Variants in FHIP1A observed in about 807,000 individuals in gnomAD.
FHIP1A encodes the protein FHF complex subunit HOOK interacting protein 1A, also known as FHF complex subunit HOOK-interacting protein 1A.
FHIP1A carries 61 observed loss-of-function variants against 88.6 expected under a neutral mutation model. The ratio of observed to expected loss-of-function variants is 0.69; its 90% confidence interval spans 0.56 to 0.85. The LOEUF (loss-of-function observed/expected upper bound fraction) is 0.85, where lower values mean the gene tolerates loss of function less well. FHIP1A is among the 40% of genes least tolerant of loss of function. FHIP1A has a pLI of 0.00. For missense variants in FHIP1A, 1,154 were observed against 1,273.5 expected, an observed-to-expected ratio of 0.91 and a Z score of 1.43; for synonymous variants, 478 against 496.0, an observed-to-expected ratio of 0.96 and a Z score of 0.48.
rs1737780351 is a variant in FHIP1A at position 151,669,388 on chromosome 4, G to A, written c.*6634G>A. On this transcript the variant is annotated 3_prime_UTR_variant, in exon 14 of 14. Transcript: ENST00000435205. The stretch of plus-strand genomic sequence containing the variant: ...ACTTGACATAATAGTTTTGGTAAAT[G>A]TCTTTTTCTGGCTGCACCCCCTTTT... Among the ~76,000 whole-genome samples, 1 of 152,200 alleles carries A rather than the reference G, an allele frequency of 6.6e-6. No homozygotes were observed. The highest frequency in any genetic ancestry group is 1.5e-5 in the Non-Finnish European group (1 of 68,030).
intron 8 of FHIP1A, among the ~76,000 whole-genome samples, chr4:151,637,015 A>G (rs1415560871): frequency 2.0e-5 from 3 of 152,184 alleles, no homozygotes; most frequent in Non-Finnish European, 4.4e-5. Flanking sequence ...AAACTCATAT[A>G]TCCATGGTCA....
At chr4:151,546,868 GT>G in intron 3 of FHIP1A, among the ~76,000 whole-genome samples, 1 of 152,288 alleles carries the variant, frequency 6.6e-6, no homozygotes, top group South Asian at 2.1e-4. Context: ...CCTAAATCTT[GT>G]TTCTTCAGGT....
chr4:151,426,730 G>A (rs1322667598), intron 1 of FHIP1A, among the ~76,000 whole-genome samples: 1 of 152,102 alleles, frequency 6.6e-6, no homozygotes, highest in Admixed American at 6.5e-5. Context: ...GCTGCAACTT[G>A]GCATACAGAG....
intron 7 of FHIP1A, among the ~76,000 whole-genome samples, chr4:151,623,975 C>T (rs1215352516): frequency 3.3e-5 from 5 of 152,196 alleles, no homozygotes; most frequent in Non-Finnish European, 2.9e-5. Flanking sequence ...CAGCAAAACA[C>T]TCAGAACTGT....
intron 3 of FHIP1A, among the ~76,000 whole-genome samples, chr4:151,557,341 G>T (rs1181218545): frequency 1.3e-5 from 2 of 152,166 alleles, no homozygotes; most frequent in Non-Finnish European, 2.9e-5. Context: ...ACTCTAGGGA[G>T]AAATAGCGCC....
chr4:151,556,124 G>A (rs535974046), intron 3 of FHIP1A, among the ~76,000 whole-genome samples: 14 of 152,140 alleles, frequency 9.2e-5, no homozygotes, highest in Non-Finnish European at 1.8e-4. Context: ...TATAATATGC[G>A]TATTTTTGGG....
intron 2 of FHIP1A, among the ~76,000 whole-genome samples, chr4:151,472,807 A>C (rs1221338472): frequency 3.3e-5 from 5 of 152,108 alleles, no homozygotes; most frequent in Non-Finnish European, 5.9e-5. Context: ...GGATTATAAA[A>C]CATGCAGCAC....
At chr4:151,410,667 A>C (rs1732593279) in intron 1 of FHIP1A, among the ~76,000 whole-genome samples, 1 of 152,192 alleles carries the variant, frequency 6.6e-6, no homozygotes, top group African/African-American at 2.4e-5. Context: ...AGCTGTCCAC[A>C]TGTAGTGAAC....
chr4:151,412,985 T>C (rs1034564763), intron 1 of FHIP1A, among the ~76,000 whole-genome samples: 1 of 151,968 alleles, frequency 6.6e-6, no homozygotes, highest in Non-Finnish European at 1.5e-5. Context: ...TGCCTGGCCC[T>C]CTTATTTCTT....
chr4:151,639,576 T>C (rs1736491771), intron 9 of FHIP1A, among the ~76,000 whole-genome samples: 1 of 152,196 alleles, frequency 6.6e-6, no homozygotes. Context: ...GACCATGGTG[T>C]ACATCTTTCC....
intron 1 of FHIP1A, among the ~76,000 whole-genome samples, chr4:151,420,701 A>T (rs1198095359): frequency 6.6e-6 from 1 of 152,194 alleles, no homozygotes; most frequent in Non-Finnish European, 1.5e-5. Context: ...CTAACTCTGT[A>T]TTTCCACATC....
chr4:151,656,128 G>A lies in FHIP1A; in HGVS notation c.2552-104G>A. 2.3e-6 allele frequency: 2 copies of A among 885,860 alleles called. No individual in the cohort carries two copies. Among genetic ancestry groups the A allele is most frequent in the Non-Finnish European group, 3.5e-6 (2 of 574,746 alleles). 54.9% of individuals were successfully genotyped at this position (885,860 alleles called of 1,614,324 possible). The stretch of plus-strand genomic sequence containing the variant: ...TGCTGTGTCTGGCTTGCACCTGTGG[G>A]CCCATGGTGGTTTGGGAGATGTGGC... On this transcript the variant is annotated intron_variant, in intron 11 of 13. Transcript: ENST00000435205. The surrounding 1 kb of genome is among the most constrained non-coding windows in gnomAD (Gnocchi z 4.2).
intron 1 of FHIP1A, among the ~76,000 whole-genome samples, chr4:151,454,168 G>GGTT (rs1728891471): frequency 6.6e-6 from 1 of 151,722 alleles, no homozygotes. Flanking sequence ...ATGGAAAAGT[G>GGTT]TTAAAATATG....
chr4:151,611,392 C>T (rs548696717), intron 7 of FHIP1A, among the ~76,000 whole-genome samples: 28 of 152,066 alleles, frequency 1.8e-4, no homozygotes, highest in African/African-American at 6.3e-4. Flanking sequence ...GAAAAATGAA[C>T]CAAAAAATAT....
At chr4:151,518,664 T>TCCCTCCCTCCCTCCCTTCCG in intron 3 of FHIP1A, among the ~76,000 whole-genome samples, 1 of 49,260 alleles carries the variant, frequency 2.0e-5, no homozygotes, top group African/African-American at 8.3e-5. Context: ...CCTCCCTCCC[T>TCCCTCCCTCCCTCCCTTCCG]TCCTTCTTTC....
At chr4:151,544,128 AG>A (rs2126732285) in intron 3 of FHIP1A, among the ~76,000 whole-genome samples, 1 of 152,320 alleles carries the variant, frequency 6.6e-6, no homozygotes, top group South Asian at 2.1e-4. Flanking sequence ...TAGAATTCTA[AG>A]ATTCAGAAAC....
At chr4:151,554,661 T>G (rs1305198228) in intron 3 of FHIP1A, among the ~76,000 whole-genome samples, 1 of 152,196 alleles carries the variant, frequency 6.6e-6, no homozygotes, top group African/African-American at 2.4e-5. Flanking sequence ...TTTTACACCC[T>G]TCAATTTTAA....
chr4:151,480,403 G>C (rs1308773323), intron 2 of FHIP1A, among the ~76,000 whole-genome samples: 1 of 152,042 alleles, frequency 6.6e-6, no homozygotes, highest in African/African-American at 2.4e-5. Context: ...TCATGAATTA[G>C]GGATGCCCTT....
At chr4:151,491,550 C>T (rs1180880504) in intron 3 of FHIP1A, among the ~76,000 whole-genome samples, 1 of 151,914 alleles carries the variant, frequency 6.6e-6, no homozygotes, top group Non-Finnish European at 1.5e-5. Flanking sequence ...AAGCATAAAT[C>T]TCACAGGGCC....
Sources: allele counts gnomAD v4.1 joint callset (sites outside exome capture counted in the v4.1 genomes callset), GRCh38; gene constraint gnomAD v4.1.1; non-coding constraint Gnocchi (gnomAD v3.1); transcripts MANE v1.5; gene names NCBI Gene and HGNC (gene_info 2026-07-23, HGNC 2026-07-21).